PSMB8: variants seen among roughly 807,000 people sequenced by gnomAD.
PSMB8 encodes proteasome subunit beta type-8.
PSMB8 carries 20 observed loss-of-function variants against 32.3 expected under a neutral mutation model. The observed-to-expected ratio is 0.62, with a 90% confidence interval of 0.44 to 0.90. The LOEUF (loss-of-function observed/expected upper bound fraction) is 0.90. PSMB8 is among the 40% of genes least tolerant of loss of function. The probability of loss-of-function intolerance (pLI) is 0.00; values close to 1 mark genes in which losing one functional copy is unlikely to be tolerated. For missense variants in PSMB8, 342 were observed against 365.4 expected, an observed-to-expected ratio of 0.94 and a Z score of 0.52; for synonymous variants, 131 against 135.4, an observed-to-expected ratio of 0.97 and a Z score of 0.23.
rs760300524 is a variant in PSMB8 at position 32,843,839 on chromosome 6, A to G, written c.147+11T>C. ...TCCCTGCATCCCTAGGGGCTTCCCT[A>G]CTGCCCCGACCTGCATTCCCCGGGG... On this transcript the variant is annotated intron_variant, in intron 1 of 5. Transcript: ENST00000374882. 1 of 1,612,538 alleles carries G rather than the reference A, an allele frequency of 6.2e-7. No individual in the cohort carries two copies.
At position 32,840,719 on chromosome 6, in the gene PSMB8, T is replaced by G; in HGVS notation, c.*240A>C. On this transcript the variant is annotated 3_prime_UTR_variant, in exon 6 of 6. Transcript: ENST00000374882. ...CCCATTCAGCCACAAGACAGAGGTA[T>G]TTATAACCGTTTTTCTTTATTCTAC... The G allele has an allele frequency of 1.8e-6, 1 of 565,912 alleles. No homozygotes were observed. The allele number at this position is 565,912 out of a possible 1,614,324, so 35.1% of individuals were successfully genotyped here.
Position 32,841,720 on chromosome 6 carries a change from A to G in PSMB8, c.553T>C (p.Tyr185His). The stretch of plus-strand genomic sequence containing the variant: ...AGCCGAGTCCCATGTTCATCCACGT[A>G]GTAGAGTCCAGGACCCTATAAGATG... ...GWDKKGPGLY[Y>H]VDEHGTRLSG... is the part of the protein sequence containing the mutation. Residue 185 changes from tyrosine to histidine, a missense_variant, in exon 5 of 6, where the codon TAC becomes CAC. Tyr to His is a moderately conservative substitution (Grantham distance 83). Coordinates refer to ENST00000374882, the MANE Select transcript of PSMB8 (RefSeq NM_148919.4). 2 of 1,612,754 alleles carry G rather than the reference A, an allele frequency of 1.2e-6. No individual in the cohort carries two copies. The highest frequency in any genetic ancestry group is 1.7e-6 in the Non-Finnish European group (2 of 1,179,996).
In PSMB8 at chr6:32,840,948, C is replaced by T; in HGVS notation, c.*11G>A. 6.2e-7 allele frequency: 1 copy of T among 1,607,734 alleles called. No homozygotes were observed. Among genetic ancestry groups the T allele is most frequent in the Non-Finnish European group, 8.5e-7 (1 of 1,174,246 alleles). The stretch of plus-strand genomic sequence containing the variant: ...TCCCAGAGGAGACCTGCCCAGCTGC[C>T]ACCACCACCATTATTGATTGGCTTC... On this transcript the variant is annotated 3_prime_UTR_variant, in exon 6 of 6. Coordinates refer to ENST00000374882, the MANE Select transcript of PSMB8 (RefSeq NM_148919.4).
chr6:32,841,500 A>G (rs750892001), intron 5 of PSMB8, 31 bp downstream of exon 5: 1 of 1,603,418 alleles, frequency 6.2e-7, no homozygotes, highest in Non-Finnish European at 8.5e-7. Context: ...GACTCCTCCC[A>G]GGCATGGTGG....
chr6:32,840,768 C>T lies in PSMB8; in HGVS notation c.*191G>A. On this transcript the variant is annotated 3_prime_UTR_variant, in exon 6 of 6. Coordinates refer to ENST00000374882, the MANE Select transcript of PSMB8 (RefSeq NM_148919.4). ...ACTTAGTGGGGCACCCAGAAACTTC[C>T]CTGGGGGAAATGCTTGTTCAAATAG... The T allele has an allele frequency of 1.6e-6, 1 of 614,508 alleles. No homozygotes were observed. The highest frequency in any genetic ancestry group is 2.7e-5 in the East Asian group (1 of 36,386). 38.1% of individuals were successfully genotyped at this position (614,508 alleles called of 1,614,324 possible).
chr6:32,841,453 G>A, intron 5 of PSMB8, 78 bp downstream of exon 5: 1 of 1,458,252 alleles, frequency 6.9e-7, no homozygotes, highest in Non-Finnish European at 9.6e-7. Context: ...GGCCAGGCTG[G>A]TTTCTCAATC....
Position 32,842,180 on chromosome 6 carries a change from C to A in PSMB8, c.491G>T (p.Gly164Val). ...LLSNMMCQYR[G>V]MGLSMGSMIC... The stretch of plus-strand genomic sequence containing the variant: ...CATACTGCCCATAGAGAGGCCCATG[C>A]CCCGGTACTGGCACATCATGTTGGA... The change falls in exon 4 of 6, where the codon GGC (glycine) becomes GTC (valine). Residue 164 changes from glycine to valine, a missense_variant. Transcript: ENST00000374882. 6.2e-7 allele frequency: 1 copy of A among 1,613,120 alleles called. No homozygotes were observed. The highest frequency in any genetic ancestry group is 8.5e-7 in the Non-Finnish European group (1 of 1,180,036).
chr6:32,841,809 T>TA (rs997637837), intron 4 of PSMB8, 74 bp from the exon 5 acceptor site: 1 of 1,389,536 alleles, frequency 7.2e-7, no homozygotes, highest in Non-Finnish European at 1.0e-6. Flanking sequence ...ATATGAGACA[T>TA]AAAAAGTGAA....
upstream of PSMB8, chr6:32,844,172 C>G (rs1770151122): frequency 6.5e-7 from 1 of 1,533,828 alleles, no homozygotes. Context: ...TCTGCTCTCC[C>G]GTTATGGGGG....
At chr6:32,842,903 A>G (rs1192736134) in intron 2 of PSMB8, 39 bp downstream of exon 2, 1 of 1,613,756 alleles carries the variant, frequency 6.2e-7, no homozygotes, top group African/African-American at 1.3e-5. Context: ...AGGAGAGCCC[A>G]GCTCCCCAGA....
At chr6:32,841,085 C>T (rs1382484315) in intron 5 of PSMB8, 38 bp from the exon 6 acceptor site, 1 of 1,529,362 alleles carries the variant, frequency 6.5e-7, no homozygotes, top group African/African-American at 1.4e-5. Flanking sequence ...AGTCACCTTT[C>T]ACCTCAGCAA....
Position 32,843,919 on chromosome 6 carries a change from A to G in PSMB8, c.78T>C (p.Arg26=). The G allele has an allele frequency of 6.2e-7, 1 of 1,611,998 alleles. No homozygotes were observed. Among genetic ancestry groups the G allele is most frequent in the Admixed American group, 1.7e-5 (1 of 59,870 alleles). Residue 26 remains arginine, a synonymous_variant, in exon 1 of 6, where the codon CGT becomes CGC. Coordinates refer to ENST00000374882, the MANE Select transcript of PSMB8 (RefSeq NM_148919.4). ...AACTGTAGTGTCCTGGGTCCGAGCG[A>G]CGCCCGCTTCCCGCAACCGGGAGAG... The part of the protein sequence containing the change: ...ESALPVAGSG[R]RSDPGHYSFS...
upstream of PSMB8, chr6:32,844,571 G>A: frequency 1.2e-6 from 1 of 824,430 alleles, no homozygotes; most frequent in Non-Finnish European, 1.9e-6. Context: ...CCATCCTAGG[G>A]CCCCTCCAGG....
At chr6:32,842,309 C>G in intron 3 of PSMB8, 46 bp from the exon 4 acceptor site, 1 of 1,607,446 alleles carries the variant, frequency 6.2e-7, no homozygotes, top group Non-Finnish European at 8.5e-7. Context: ...TTAGCTCTTT[C>G]CAACTTGATG....
In PSMB8 at chr6:32,842,246, T is replaced by C. The variant is rs760605722; in HGVS notation, c.425A>G (p.Asn142Ser). 1.9e-6 allele frequency: 3 copies of C among 1,612,986 alleles called. No homozygotes were observed. The highest frequency in any genetic ancestry group is 2.5e-6 in the Non-Finnish European group (3 of 1,180,042). The change falls in exon 4 of 6, where the codon AAT becomes AGT. Residue 142 changes from asparagine to serine, a missense_variant. Transcript: ENST00000374882. ...TGCCGACACTGAAATACGTTCTCCA[T>C]TTCGCAGATAGTACAGCCTGGGTGA... Reference protein sequence around the residue: ...AKECRLYYLRNGERISVSAAS... With the variant: ...AKECRLYYLRSGERISVSAAS...
At chr6:32,841,477 C>CA in intron 5 of PSMB8, 54 bp downstream of exon 5, 4 of 1,567,348 alleles carry the variant, frequency 2.6e-6, no homozygotes. Context: ...AATCACCCCC[C>CA]CCACCACCCG....
chr6:32,844,317 G>A, upstream of PSMB8: 1 of 1,613,944 alleles, frequency 6.2e-7, no homozygotes, highest in Non-Finnish European at 8.5e-7. Flanking sequence ...GGGGTGGGTA[G>A]GGTCGTGTCA....
chr6:32,844,618 C>T (rs998855859), upstream of PSMB8: 2 of 606,712 alleles, frequency 3.3e-6, no homozygotes, highest in African/African-American at 1.8e-5. Flanking sequence ...CCCACAAGAG[C>T]GTGCCCTTTC....
rs1317977773 is a variant in PSMB8 at position 32,841,681 on chromosome 6, A to T, written c.592T>A (p.Phe198Ile). 6.2e-7 allele frequency: 1 copy of T among 1,612,972 alleles called. No individual in the cohort carries two copies. Among genetic ancestry groups the T allele is most frequent in the East Asian group, 2.2e-5 (1 of 44,882 alleles). ...EHGTRLSGNMFSTGSGNTYAY... is the reference protein window; with the variant it reads ...EHGTRLSGNMISTGSGNTYAY... ...TAAGTGTTCCCACTACCCGTGGAGA[A>T]CATATTTCCTGAGAGCCGAGTCCCA... Residue 198 changes from phenylalanine to isoleucine, a missense_variant, in exon 5 of 6, where the codon TTC (phenylalanine) becomes ATC (isoleucine). By Grantham distance (21) the Phe-to-Ile change is conservative. Transcript: ENST00000374882.
Sources: gnomAD v4.1 joint callset for allele counts on GRCh38, gnomAD v4.1.1 for gene constraint, MANE v1.5 for transcripts, NCBI Gene and HGNC (gene_info 2026-07-23, HGNC 2026-07-21) for gene names.